The following LHFPL3 variants were observed in gnomAD, a reference collection of about 807,000 sequenced individuals.
LHFPL3 encodes the protein LHFPL tetraspan subfamily member 3, also known as LHFPL tetraspan subfamily member 3 protein.
A neutral mutation model predicts 19.3 loss-of-function variants in LHFPL3; 5 were observed. The observed-to-expected ratio is 0.26, with a 90% CI of 0.14 to 0.54. The LOEUF (loss-of-function observed/expected upper bound fraction) is 0.54, where lower values mean the gene tolerates loss of function less well. LHFPL3 is among the 20% of genes least tolerant of loss of function. The pLI is 0.94. For missense variants in LHFPL3, 249 were observed against 307.4 expected, an observed-to-expected ratio of 0.81 and a Z score of 1.42; for synonymous variants, 133 against 126.2, an observed-to-expected ratio of 1.05 and a Z score of -0.36.
intron 1 of LHFPL3, among the ~76,000 whole-genome samples, chr7:104,536,364 A>G (rs1356959704): frequency 3.3e-5 from 5 of 152,174 alleles, no homozygotes; most frequent in Non-Finnish European, 7.4e-5. Flanking sequence ...TATCAAATAC[A>G]GATGAATTCA....
Position 104,823,506 on chromosome 7 carries a change from CT to C in LHFPL3, c.683-82679del, listed in dbSNP as rs201863525. Among the ~76,000 whole-genome samples the C allele has an allele frequency of 9.4e-3, 1,434 of 152,268 alleles. 27 individuals are homozygous for C. Among genetic ancestry groups the C allele is most frequent in the African/African-American group, 0.033 (1,364 of 41,558 alleles). On this transcript the variant is annotated intron_variant, in intron 2 of 2. Transcript: ENST00000424859. ...CAGTTTGGGGTTTCTCCATTCAGAG[CT>C]TAATTTCCTTTTCTATGACGTATTT...
intron 1 of LHFPL3, among the ~76,000 whole-genome samples, chr7:104,382,226 C>T (rs183322371): frequency 2.0e-5 from 3 of 152,258 alleles, no homozygotes; most frequent in Admixed American, 1.3e-4. Context: ...TGCAAATTCT[C>T]GGGCTCCATC....
intron 2 of LHFPL3, among the ~76,000 whole-genome samples, chr7:104,796,278 A>G (rs1790124385): frequency 6.6e-6 from 1 of 152,162 alleles, no homozygotes; most frequent in South Asian, 2.1e-4. Flanking sequence ...TTTGTTTTCA[A>G]CCATTGTGTA....
intron 2 of LHFPL3, among the ~76,000 whole-genome samples, chr7:104,801,400 G>A (rs550562982): frequency 2.6e-5 from 4 of 152,274 alleles, no homozygotes; most frequent in South Asian, 2.1e-4. Context: ...GGGGGTCAGG[G>A]GGATTCGTGG....
chr7:104,729,838 T>A (rs1793662174), intron 1 of LHFPL3, among the ~76,000 whole-genome samples: 1 of 152,202 alleles, frequency 6.6e-6, no homozygotes, highest in African/African-American at 2.4e-5. Context: ...GTTGGTGTGC[T>A]GCACCCATTA....
chr7:104,763,719 T>G (rs1049474624), intron 2 of LHFPL3, among the ~76,000 whole-genome samples: 1 of 152,220 alleles, frequency 6.6e-6, no homozygotes, highest in African/African-American at 2.4e-5. Flanking sequence ...AGGTTCTTGC[T>G]TCCCCAGCTT....
At chr7:104,846,733 G>A (rs939855406) in intron 2 of LHFPL3, among the ~76,000 whole-genome samples, 1 of 152,180 alleles carries the variant, frequency 6.6e-6, no homozygotes, top group African/African-American at 2.4e-5. Flanking sequence ...AAGTGAAGGA[G>A]GCTACATCCC....
At chr7:104,616,143 AT>A (rs1296117963) in intron 1 of LHFPL3, among the ~76,000 whole-genome samples, 10 of 152,316 alleles carry the variant, frequency 6.6e-5, no homozygotes, top group African/African-American at 2.4e-4. Context: ...ACTATTTTAA[AT>A]TTTATATGTA....
Position 104,601,302 on chromosome 7 carries a change from C to T in LHFPL3, c.446-135373C>T, listed in dbSNP as rs900378478. On this transcript the variant is annotated intron_variant, in intron 1 of 2. Transcript: ENST00000424859. ...TCTCCCATTAGTGACTAAACCATAT[C>T]TCTTAACTCTTATGATTTTTTTAAG... 2.0e-5 allele frequency among the ~76,000 whole-genome samples: 3 copies of T among 152,182 alleles called. No homozygotes were observed. In the East Asian group the frequency reaches 5.8e-4, roughly 29 times the overall value.
intron 2 of LHFPL3, chr7:104,752,791 C>A: frequency 2.5e-6 from 1 of 395,234 alleles, no homozygotes; most frequent in African/African-American, 2.1e-5. Context: ...GTACCTTCAC[C>A]CTAGAGAAAA....
chr7:104,601,723 C>A (rs569941863), intron 1 of LHFPL3, among the ~76,000 whole-genome samples: 1 of 152,150 alleles, frequency 6.6e-6, no homozygotes, highest in Non-Finnish European at 1.5e-5. Context: ...TCAGCCTGCT[C>A]GACTTCAGCT....
chr7:104,347,048 CTG>C (rs10600204), intron 1 of LHFPL3, among the ~76,000 whole-genome samples: 70,150 of 150,194 alleles, frequency 0.47, 16,790 homozygotes, highest in East Asian at 0.7. Flanking sequence ...GTTTCCTCAT[CTG>C]TAAAATGAGG....
chr7:104,827,675 C>T (rs1790852073), intron 2 of LHFPL3, among the ~76,000 whole-genome samples: 1 of 151,372 alleles, frequency 6.6e-6, no homozygotes, highest in African/African-American at 2.4e-5. Flanking sequence ...TAGAGAGGCC[C>T]TGGAGTCTAA....
At chr7:104,815,167 G>A (rs1199486591) in intron 2 of LHFPL3, among the ~76,000 whole-genome samples, 3 of 152,166 alleles carry the variant, frequency 2.0e-5, no homozygotes, top group Admixed American at 1.3e-4. Context: ...CACCCAGGGA[G>A]CTCCCACCCC....
intron 2 of LHFPL3, among the ~76,000 whole-genome samples, chr7:104,879,819 C>T (rs959277819): frequency 2.0e-5 from 3 of 152,206 alleles, no homozygotes; most frequent in Non-Finnish European, 2.9e-5. Context: ...AACAGATTTT[C>T]GTGTAGACAA....
At chr7:104,820,470 G>A (rs1488040623) in intron 2 of LHFPL3, among the ~76,000 whole-genome samples, 1 of 152,188 alleles carries the variant, frequency 6.6e-6, no homozygotes, top group Non-Finnish European at 1.5e-5. Context: ...GTTGGCAAGG[G>A]TTGCAGGCCA....
At chr7:104,593,377 A>G (rs1424750262) in intron 1 of LHFPL3, among the ~76,000 whole-genome samples, 1 of 151,976 alleles carries the variant, frequency 6.6e-6, no homozygotes, top group African/African-American at 2.4e-5. Context: ...CCTGAGTTCT[A>G]GTTTGATTGC....
At chr7:104,371,571 T>C (rs912237253) in intron 1 of LHFPL3, among the ~76,000 whole-genome samples, 1 of 152,216 alleles carries the variant, frequency 6.6e-6, no homozygotes, top group African/African-American at 2.4e-5. Flanking sequence ...ACTTTATGCT[T>C]TCATTGCTTA....
chr7:104,877,258 C>T (rs1791964257), intron 2 of LHFPL3, among the ~76,000 whole-genome samples: 2 of 148,420 alleles, frequency 1.3e-5, no homozygotes, highest in South Asian at 4.4e-4. Context: ...CACATGTACC[C>T]TAGAACTTAA....
Sources: allele counts gnomAD v4.1 joint callset (sites outside exome capture counted in the v4.1 genomes callset), GRCh38; gene constraint gnomAD v4.1.1; transcripts MANE v1.5; gene names NCBI Gene and HGNC (gene_info 2026-07-23, HGNC 2026-07-21).